SLC16A12: variants seen among roughly 807,000 people sequenced by gnomAD.
SLC16A12 encodes monocarboxylate transporter 12.
In SLC16A12, 17 loss-of-function variants were observed where a neutral mutation model predicts 42.4. The observed-to-expected ratio is 0.40, with a 90% confidence interval of 0.27 to 0.60. The LOEUF (loss-of-function observed/expected upper bound fraction) is 0.60. SLC16A12 is among the 20% of genes least tolerant of loss of function. The pLI is 0.42. For missense variants in SLC16A12, 544 were observed against 623.0 expected (o/e 0.87, Z 1.35); for synonymous variants, 224 against 229.4 (o/e 0.98, Z 0.21).
intron 2 of SLC16A12, among the ~76,000 whole-genome samples, chr10:89,463,713 AC>A (rs1471353278): frequency 9.8e-5 from 15 of 152,354 alleles, no homozygotes; most frequent in African/African-American, 3.6e-4. Context: ...GGGGAAAAAA[AC>A]ATTAGCAATA....
chr10:89,435,644 AC>A (rs1238616222), intron 7 of SLC16A12, among the ~76,000 whole-genome samples: 2 of 152,156 alleles, frequency 1.3e-5, no homozygotes, highest in African/African-American at 4.8e-5. Context: ...TCTGTCTGGC[AC>A]CCAAAACACT....
chr10:89,516,837 TA>T (rs571257139), intron 2 of SLC16A12, among the ~76,000 whole-genome samples: 38 of 152,372 alleles, frequency 2.5e-4, no homozygotes, highest in South Asian at 1.0e-3. Context: ...AGGAATCCAC[TA>T]AATCCATAGT....
chr10:89,519,145 T>C (rs1488237751), intron 2 of SLC16A12, among the ~76,000 whole-genome samples: 1 of 152,082 alleles, frequency 6.6e-6, no homozygotes, highest in African/African-American at 2.4e-5. Context: ...TCACTTTCAC[T>C]ACAACTCCAA....
At chr10:89,473,374 A>G (rs1222789720) in intron 2 of SLC16A12, among the ~76,000 whole-genome samples, 1 of 152,222 alleles carries the variant, frequency 6.6e-6, no homozygotes, top group African/African-American at 2.4e-5. Context: ...GGAAAAATGA[A>G]TCTTGACTCT....
intron 3 of SLC16A12, among the ~76,000 whole-genome samples, chr10:89,449,023 T>C (rs912409136): frequency 2.0e-5 from 3 of 152,058 alleles, no homozygotes; most frequent in African/African-American, 4.8e-5. Context: ...ACAGAGAGAA[T>C]AAAATACCTA....
chr10:89,442,530 A>G (rs1186904016), intron 4 of SLC16A12, among the ~76,000 whole-genome samples: 1 of 152,182 alleles, frequency 6.6e-6, no homozygotes, highest in African/African-American at 2.4e-5. Flanking sequence ...GAAGACAAAC[A>G]TGGCTTCTTT....
intron 2 of SLC16A12, among the ~76,000 whole-genome samples, chr10:89,475,126 C>A (rs1469080660): frequency 1.3e-5 from 2 of 152,194 alleles, no homozygotes; most frequent in African/African-American, 4.8e-5. Context: ...TCCCTCTTAA[C>A]AAGAATTAAA....
chr10:89,498,216 T>G, intron 2 of SLC16A12, among the ~76,000 whole-genome samples: 2 of 150,328 alleles, frequency 1.3e-5, no homozygotes, highest in East Asian at 2.0e-4. Context: ...AGGGTAGGGG[T>G]GGTAGAGGGT....
intron 2 of SLC16A12, among the ~76,000 whole-genome samples, chr10:89,503,245 G>T (rs1183297192): frequency 2.0e-5 from 3 of 152,130 alleles, no homozygotes; most frequent in Admixed American, 2.0e-4. Context: ...CCTTACTAAA[G>T]TGGTGGGTCC....
At chr10:89,440,441 T>G (rs1364923148) in intron 5 of SLC16A12, among the ~76,000 whole-genome samples, 3 of 152,230 alleles carry the variant, frequency 2.0e-5, no homozygotes, top group Non-Finnish European at 4.4e-5. Flanking sequence ...TTTATTGACC[T>G]TATTCACGCC....
intron 2 of SLC16A12, among the ~76,000 whole-genome samples, chr10:89,483,685 C>T (rs1363404326): frequency 3.4e-5 from 5 of 148,956 alleles, no homozygotes; most frequent in African/African-American, 1.2e-4. Context: ...TATAATCGTG[C>T]CTGTGAACAG....
intron 3 of SLC16A12, among the ~76,000 whole-genome samples, chr10:89,453,081 G>A (rs914164525): frequency 6.6e-6 from 1 of 152,200 alleles, no homozygotes; most frequent in African/African-American, 2.4e-5. Flanking sequence ...GGTATAAAAA[G>A]TGGTCCTTCT....
intron 2 of SLC16A12, among the ~76,000 whole-genome samples, chr10:89,493,596 C>T (rs1455515096): frequency 6.6e-6 from 1 of 152,184 alleles, no homozygotes; most frequent in Non-Finnish European, 1.5e-5. Flanking sequence ...ATGGTCAGGG[C>T]TTATATGATT....
chr10:89,526,208 A>C (rs1843449469), intron 2 of SLC16A12, among the ~76,000 whole-genome samples: 1 of 152,204 alleles, frequency 6.6e-6, no homozygotes, highest in East Asian at 1.9e-4. Flanking sequence ...GGGGAATTAT[A>C]AAATTAAAAT....
chr10:89,478,580 T>C (rs1050682547), intron 2 of SLC16A12, among the ~76,000 whole-genome samples: 2 of 152,230 alleles, frequency 1.3e-5, no homozygotes, highest in Non-Finnish European at 2.9e-5. Flanking sequence ...TTTTAGTGTA[T>C]TTCAAAGATG....
At chr10:89,534,157 C>G (rs1843607257) in intron 2 of SLC16A12, among the ~76,000 whole-genome samples, 1 of 152,198 alleles carries the variant, frequency 6.6e-6, no homozygotes, top group African/African-American at 2.4e-5. Context: ...CTAATTACTA[C>G]CACTACTCTT....
In SLC16A12 at chr10:89,486,713, A is replaced by G. The variant is rs370165290; in HGVS notation, c.-46-24089T>C. On this transcript the variant is annotated intron_variant, in intron 2 of 7. Coordinates refer to ENST00000371790, the MANE Select transcript of SLC16A12 (RefSeq NM_213606.4). ...AGAAAAGAAAAGAAAAAAGAAAGAA[A>G]GAAAAAAAGAGAAAAACGAAATAAG... Among the ~76,000 whole-genome samples the G allele has an allele frequency of 7.8e-4, 103 of 132,354 alleles. 5 individuals are homozygous for G. The highest frequency in any genetic ancestry group is 3.6e-3 in the Middle Eastern group (1 of 274). 86.8% of individuals were successfully genotyped at this position (132,354 alleles called of 152,430 possible). A position where few individuals can be genotyped will look rare whatever the true frequency, so the allele number is the denominator to read the frequency against.
At chr10:89,514,012 A>G (rs73373266) in intron 2 of SLC16A12, among the ~76,000 whole-genome samples, 11,017 of 152,254 alleles carry the variant, frequency 0.072, 560 homozygotes, top group African/African-American at 0.14. Flanking sequence ...ATACTTGGAG[A>G]TCAGATCATT....
At chr10:89,553,448 G>C (rs2133892173) in intron 2 of SLC16A12, among the ~76,000 whole-genome samples, 1 of 152,288 alleles carries the variant, frequency 6.6e-6, no homozygotes, top group East Asian at 1.9e-4. Flanking sequence ...CAACTAGCAT[G>C]ACTCATTTCA....
Sources: gnomAD v4.1 joint callset for allele counts (sites outside exome capture counted in the v4.1 genomes callset) on GRCh38, gnomAD v4.1.1 for gene constraint, MANE v1.5 for transcripts, NCBI Gene and HGNC (gene_info 2026-07-23, HGNC 2026-07-21) for gene names.